Variants in BARX1 observed in about 807,000 individuals in gnomAD.
BARX1 encodes homeobox protein BarH-like 1.
Under a neutral mutation model 19.6 loss-of-function variants are expected in BARX1, and 10 were observed. That is an observed-to-expected ratio of 0.51 (90% CI 0.31 to 0.86). The LOEUF (loss-of-function observed/expected upper bound fraction) is 0.86. BARX1 is among the 40% of genes least tolerant of loss of function. The pLI is 0.04. For synonymous variants in BARX1, 177 were observed against 170.0 expected, an observed-to-expected ratio of 1.04 and a Z score of -0.32; for missense variants, 309 against 360.4, an observed-to-expected ratio of 0.86 and a Z score of 1.15.
chr9:93,952,669 T>A (rs896146716), intron 3 of BARX1, 60 bp downstream of exon 3: 1 of 1,532,466 alleles, frequency 6.5e-7, no homozygotes, highest in African/African-American at 1.4e-5. Flanking sequence ...AGAGCAGCTC[T>A]GCATGCACCG....
chr9:93,952,609 G>C (rs1050925458), intron 3 of BARX1, 120 bp downstream of exon 3: 1 of 1,194,696 alleles, frequency 8.4e-7, no homozygotes, highest in Non-Finnish European at 1.2e-6. Flanking sequence ...TGCGTACCAG[G>C]CACCGAGGGA....
chr9:93,955,202 T>A lies in BARX1; in HGVS notation c.-56A>T. On this transcript the variant is annotated 5_prime_UTR_variant, in exon 1 of 4. Transcript: ENST00000253968. This position sits in a 1 kb window ranked among gnomAD's most constrained non-coding sequence, Gnocchi z 4.4. ...GCGGCGGCGGCGGCGACGGCTTGGC[T>A]CCGGCGCGGGGCCCGCGCGGGGCTC... is the stretch of plus-strand genomic sequence containing the variant. 1 of 814,474 alleles carries A rather than the reference T, an allele frequency of 1.2e-6. No homozygotes were observed. Among genetic ancestry groups the A allele is most frequent in the Admixed American group, 6.5e-5 (1 of 15,478 alleles). The allele number at this position is 814,474 out of a possible 1,614,324, so 50.5% of individuals were successfully genotyped here. A position where few individuals can be genotyped will look rare whatever the true frequency, so the allele number is the denominator to read the frequency against.
chr9:93,952,198 G>T lies in BARX1; in HGVS notation c.731C>A (p.Pro244Gln). 1 of 1,610,126 alleles carries T rather than the reference G, an allele frequency of 6.2e-7. No homozygotes were observed. The highest frequency in any genetic ancestry group is 8.5e-7 in the Non-Finnish European group (1 of 1,179,854). The stretch of plus-strand genomic sequence containing the variant: ...GCGGCTCCTGTCGCTGGGCTCGCCC[G>T]GCACCTCCGCCGGTTTCTCTGCATC... Reference protein sequence around the residue: ...AKDAEKPAEVPGEPSDRSRED With the variant: ...AKDAEKPAEVQGEPSDRSRED The change falls in exon 4 of 4, where the codon CCG (proline) becomes CAG (glutamine). Residue 244 changes from proline (P) to glutamine (Q), a missense_variant. Coordinates refer to ENST00000253968, the MANE Select transcript of BARX1 (RefSeq NM_021570.4).
rs59397123 is a variant in BARX1, at chr9:93,952,056, C to T, written c.*108G>A. 0.12 allele frequency: 161,799 copies of T among 1,376,500 alleles called. 9,886 individuals carry two copies. Among genetic ancestry groups the T allele is most frequent in the Admixed American group, 0.15 (6,509 of 44,780 alleles). 85.3% of individuals were successfully genotyped at this position (1,376,500 alleles called of 1,614,324 possible). A position where few individuals can be genotyped will look rare whatever the true frequency, so the allele number is the denominator to read the frequency against. ...CGCATTCAAGATCATAATAAAAAGGCTTAGGAAGTAAACTTCTTGGACGCG... is the reference window on the plus strand; with the variant it reads ...CGCATTCAAGATCATAATAAAAAGGTTTAGGAAGTAAACTTCTTGGACGCG... On this transcript the variant is annotated 3_prime_UTR_variant, in exon 4 of 4. Coordinates refer to ENST00000253968, the MANE Select transcript of BARX1 (RefSeq NM_021570.4).
chr9:93,955,183 G>C lies in BARX1; in HGVS notation c.-37C>G. ...CTGCTGCGCCCGCGGTTTGGCGGCGGCGGCGGCGACGGCTTGGCTCCGGCG... is the reference window on the plus strand; with the variant it reads ...CTGCTGCGCCCGCGGTTTGGCGGCGCCGGCGGCGACGGCTTGGCTCCGGCG... On this transcript the variant is annotated 5_prime_UTR_variant, in exon 1 of 4. Transcript: ENST00000253968. The surrounding 1 kb of genome is among the most constrained non-coding windows in gnomAD (Gnocchi z 4.4). The C allele has an allele frequency of 1.1e-5, 11 of 974,140 alleles. No homozygotes were observed. Among genetic ancestry groups the C allele is most frequent in the Non-Finnish European group, 1.3e-5 (11 of 819,360 alleles). 60.3% of individuals were successfully genotyped at this position (974,140 alleles called of 1,614,324 possible).
At position 93,955,234 on chromosome 9, in the gene BARX1, G is replaced by T. The variant is rs1373091705; in HGVS notation, c.-88C>A. On this transcript the variant is annotated 5_prime_UTR_variant, in exon 1 of 4. Coordinates refer to ENST00000253968, the MANE Select transcript of BARX1 (RefSeq NM_021570.4). This position sits in a 1 kb window ranked among gnomAD's most constrained non-coding sequence, Gnocchi z 4.4. Reference sequence around the variant, plus strand: ...CGGGGCCCGCGCGGGGCTCTAGGCCGGCCCGCAGCTCGGGGCGGCGCGCGG... The same window carrying T: ...CGGGGCCCGCGCGGGGCTCTAGGCCTGCCCGCAGCTCGGGGCGGCGCGCGG... The T allele has an allele frequency of 5.2e-6, 3 of 578,202 alleles. No homozygotes were observed. The African/African-American group carries it at 6.2e-5, about 12-fold the overall frequency. The allele number at this position is 578,202 out of a possible 1,614,324, so 35.8% of individuals were successfully genotyped here. A position where few individuals can be genotyped will look rare whatever the true frequency, so the allele number is the denominator to read the frequency against.
Position 93,955,231 on chromosome 9 carries a change from G to T in BARX1, c.-85C>A. On this transcript the variant is annotated 5_prime_UTR_variant, in exon 1 of 4. Coordinates refer to ENST00000253968, the MANE Select transcript of BARX1 (RefSeq NM_021570.4). This position sits in a 1 kb window ranked among gnomAD's most constrained non-coding sequence, Gnocchi z 4.4. ...GCGCGGGGCCCGCGCGGGGCTCTAG[G>T]CCGGCCCGCAGCTCGGGGCGGCGCG... The T allele has an allele frequency of 1.6e-6, 1 of 611,304 alleles. No individual in the cohort carries two copies. The highest frequency in any genetic ancestry group is 2.0e-6 in the Non-Finnish European group (1 of 491,896). 37.9% of individuals were successfully genotyped at this position (611,304 alleles called of 1,614,324 possible). A position where few individuals can be genotyped will look rare whatever the true frequency, so the allele number is the denominator to read the frequency against.
At chr9:93,953,415 C>T in intron 1 of BARX1, 1 of 514,160 alleles carries the variant, frequency 1.9e-6, no homozygotes, top group East Asian at 3.3e-5. Context: ...CGTGTTCTGT[C>T]CTGGAGTTCC....
Position 93,952,933 on chromosome 9 carries a change from G to A in BARX1, c.478C>T (p.Arg160Cys). Residue 160 changes from arginine to cysteine, a missense_variant, in exon 2 of 4, where the codon CGC becomes TGC. By Grantham distance (180) the Arg-to-Cys change is radical. Around this residue, in one of 3 missense-constraint regions of BARX1, gnomAD observed 34 missense variants for 73.2 expected, o/e 0.46. Coordinates refer to ENST00000253968, the MANE Select transcript of BARX1 (RefSeq NM_021570.4). ...TELQLMGLEK[R>C]FEKQKYLSTP... is the part of the protein sequence containing the mutation. ...GAAAGGTACTTCTGCTTCTCGAAGCGTTTCTCCAGGCCCATCAGCTGCAGC... is the reference window on the plus strand; with the variant it reads ...GAAAGGTACTTCTGCTTCTCGAAGCATTTCTCCAGGCCCATCAGCTGCAGC... 2 of 1,578,676 alleles carry A rather than the reference G, an allele frequency of 1.3e-6. No individual in the cohort carries two copies. Among genetic ancestry groups the A allele is most frequent in the Non-Finnish European group, 1.7e-6 (2 of 1,162,108 alleles).
chr9:93,954,882 C>G (rs1472045969), intron 1 of BARX1, 42 bp downstream of exon 1: 1 of 1,262,022 alleles, frequency 7.9e-7, no homozygotes, highest in Non-Finnish European at 1.0e-6. Flanking sequence ...CTCGCTGTCT[C>G]CCGCCAAGCC....
Position 93,951,837 on chromosome 9 carries a change from C to T in BARX1, c.*327G>A, listed in dbSNP as rs1057715. 0.11 allele frequency: 30,745 copies of T among 274,328 alleles called. 1,927 individuals are homozygous for T. Among genetic ancestry groups the T allele is most frequent in the Admixed American group, 0.14 (2,988 of 21,270 alleles). The allele number at this position is 274,328 out of a possible 1,614,324, so 17.0% of individuals were successfully genotyped here. A position where few individuals can be genotyped will look rare whatever the true frequency, so the allele number is the denominator to read the frequency against. On this transcript the variant is annotated 3_prime_UTR_variant, in exon 4 of 4. Transcript: ENST00000253968. ...AGGCTCCCCGGCCGGGAGGGCAGGCCCCAGACGGGGTGGGGGTGCAGGCGA... is the reference window on the plus strand; with the variant it reads ...AGGCTCCCCGGCCGGGAGGGCAGGCTCCAGACGGGGTGGGGGTGCAGGCGA...
chr9:93,952,622 CG>C, intron 3 of BARX1, 106 bp downstream of exon 3: 4 of 1,288,118 alleles, frequency 3.1e-6, no homozygotes, highest in Admixed American at 1.9e-5. Context: ...CCGAGGGAAT[CG>C]GGGGGTTGGG....
Position 93,954,823 on chromosome 9 carries a change from C to T in BARX1, c.223+101G>A, listed in dbSNP as rs762881213. ...AACCTGCGCTCCCAGAGCAGCTTCC[C>T]GGGGCTGCTTCGATGCCGGAGGAGG... is the stretch of plus-strand genomic sequence containing the variant. On this transcript the variant is annotated intron_variant, in intron 1 of 3. Coordinates refer to ENST00000253968, the MANE Select transcript of BARX1 (RefSeq NM_021570.4). 780 of 841,192 alleles carry T rather than the reference C, an allele frequency of 9.3e-4. 1 individual carries two copies. Among genetic ancestry groups the T allele is most frequent in the Non-Finnish European group, 1.2e-3 (749 of 631,182 alleles). The allele number at this position is 841,192 out of a possible 1,614,324, so 52.1% of individuals were successfully genotyped here.
rs572724781 is a variant in BARX1 at position 93,951,991 on chromosome 9, C to A, written c.*173G>T. ...GAAGCGCGCTGGGACCTGGGTCTGG[C>A]TTTTGGGTCTGTGTCCTTCCTCGTT... On this transcript the variant is annotated 3_prime_UTR_variant, in exon 4 of 4. Coordinates refer to ENST00000253968, the MANE Select transcript of BARX1 (RefSeq NM_021570.4). 3.8e-5 allele frequency: 35 copies of A among 916,752 alleles called. No homozygotes were observed. The East Asian group carries it at 4.2e-4, about 11-fold the overall frequency. 56.8% of individuals were successfully genotyped at this position (916,752 alleles called of 1,614,324 possible).
In BARX1 at chr9:93,953,044, G is replaced by A. The variant is rs373384950; in HGVS notation, c.367C>T (p.Leu123Phe). The change falls in exon 2 of 4, where the codon CTC becomes TTC. Residue 123 changes from leucine to phenylalanine, a missense_variant. Physicochemically the swap from Leu to Phe is conservative, Grantham distance 22. Coordinates refer to ENST00000253968, the MANE Select transcript of BARX1 (RefSeq NM_021570.4). ...CCTGCCGCCTCCAGCTTCCCGCGGA[G>A]CTGCAACTCGAGCGGCAGGTGTGGC... ...GAPHLPLELQ[L>F]RGKLEAAGPG... 5.1e-6 allele frequency: 8 copies of A among 1,570,240 alleles called. No individual in the cohort carries two copies. In the African/African-American group the frequency reaches 8.1e-5, roughly 16 times the overall value.
In BARX1 at chr9:93,953,008, G is replaced by A; in HGVS notation, c.403C>T (p.Pro135Ser). 1.3e-6 allele frequency: 2 copies of A among 1,573,154 alleles called. No homozygotes were observed. Among genetic ancestry groups the A allele is most frequent in the Non-Finnish European group, 1.7e-6 (2 of 1,159,924 alleles). ...GKLEAAGPGE[P>S]GTKAKKGRRS... ...CGCCCCTTCTTGGCTTTGGTGCCTG[G>A]CTCCCCAGGGCCTGCCGCCTCCAGC... is the stretch of plus-strand genomic sequence containing the variant. The change falls in exon 2 of 4, where the codon CCA becomes TCA. Residue 135 changes from proline to serine, a missense_variant. Transcript: ENST00000253968.
rs1032506090 is a variant in BARX1, at chr9:93,953,093, G to T, written c.318C>A (p.Pro106=). 4 of 1,555,318 alleles carry T rather than the reference G, an allele frequency of 2.6e-6. No homozygotes were observed. The African/African-American group carries it at 4.1e-5, about 16-fold the overall frequency. ...GCGCACCCGCGGCGCCGGGCAGCCC[G>T]GGCCCTGCCGCCAGCAACGCAGAGC... ...GLSSALLAAG[P]GLPGAAGAPH... Residue 106 remains proline (P), a synonymous_variant, in exon 2 of 4, where the codon CCC becomes CCA. Coordinates refer to ENST00000253968, the MANE Select transcript of BARX1 (RefSeq NM_021570.4).
rs962528523 is a variant in BARX1 at position 93,952,025 on chromosome 9, A to G, written c.*139T>C. ...CTGTGTCCTTCCTCGTTTGGCCCCA[A>G]TTGTCCGCATTCAAGATCATAATAA... On this transcript the variant is annotated 3_prime_UTR_variant, in exon 4 of 4. Coordinates refer to ENST00000253968, the MANE Select transcript of BARX1 (RefSeq NM_021570.4). 32 of 1,179,522 alleles carry G rather than the reference A, an allele frequency of 2.7e-5. No homozygotes were observed. The highest frequency in any genetic ancestry group is 4.7e-5 in the South Asian group (3 of 64,226). The allele number at this position is 1,179,522 out of a possible 1,614,324, so 73.1% of individuals were successfully genotyped here. A position where few individuals can be genotyped will look rare whatever the true frequency, so the allele number is the denominator to read the frequency against.
At chr9:93,952,623 G>T in intron 3 of BARX1, 106 bp downstream of exon 3, 1 of 1,286,150 alleles carries the variant, frequency 7.8e-7, no homozygotes. Context: ...CGAGGGAATC[G>T]GGGGGTTGGG....
Sources: gnomAD v4.1 joint callset for allele counts on GRCh38, gnomAD v4.1.1 for gene constraint, gnomAD v4.1.1 regional missense constraint, Gnocchi (gnomAD v3.1) non-coding constraint, MANE v1.5 for transcripts, NCBI Gene and HGNC (gene_info 2026-07-23, HGNC 2026-07-21) for gene names.